Variants in MAPRE2 observed in about 807,000 individuals in gnomAD.
MAPRE2 encodes microtubule-associated protein RP/EB family member 2.
A neutral mutation model predicts 43.2 loss-of-function variants in MAPRE2; 13 were observed. The ratio of observed to expected loss-of-function variants is 0.30; its 90% CI spans 0.20 to 0.48. The LOEUF is 0.48. MAPRE2 is among the 20% of genes least tolerant of loss of function. MAPRE2 has a pLI of 0.99. For synonymous variants in MAPRE2, 135 were observed against 148.8 expected (o/e 0.91, Z 0.68); for missense variants, 161 against 400.2 (o/e 0.40, Z 5.10).
chr18:35,119,501 A>G (rs1909574458), intron 4 of MAPRE2, among the ~76,000 whole-genome samples: 1 of 152,168 alleles, frequency 6.6e-6, no homozygotes, highest in Admixed American at 6.5e-5. Flanking sequence ...TGTGCGTTTC[A>G]TTCATTGTTT....
At chr18:35,122,518 C>A (rs1909725697) in intron 4 of MAPRE2, among the ~76,000 whole-genome samples, 1 of 152,176 alleles carries the variant, frequency 6.6e-6, no homozygotes, top group Non-Finnish European at 1.5e-5. Flanking sequence ...ATTTCAAGAT[C>A]CCTCTCATTT....
Position 35,142,002 on chromosome 18 carries a change from T to A in MAPRE2, c.*1633T>A, listed in dbSNP as rs563896174. 12 of 152,402 alleles carry A rather than the reference T, an allele frequency of 7.9e-5. No individual in the cohort carries two copies. The highest frequency in any genetic ancestry group is 5.2e-4 in the Admixed American group (8 of 15,308). The allele number at this position is 152,402 out of a possible 1,614,324, so 9.4% of individuals were successfully genotyped here. ...AGTTATGTGGAAAAGATGGCTTGTA[T>A]TTTTCAGATTATTACAACACACTGT... is the stretch of plus-strand genomic sequence containing the variant. On this transcript the variant is annotated 3_prime_UTR_variant, in exon 7 of 7. Transcript: ENST00000300249.
chr18:35,096,162 T>G (rs1195205169), intron 2 of MAPRE2, among the ~76,000 whole-genome samples: 1 of 152,004 alleles, frequency 6.6e-6, no homozygotes, highest in Non-Finnish European at 1.5e-5. Context: ...CTTCCTAAAG[T>G]GAGTCACCCA....
chr18:34,985,524 A>AATATATAATATATATATATTATAT (rs1568962009), intron 1 of MAPRE2, among the ~76,000 whole-genome samples: 571 of 50,736 alleles, frequency 0.011, 56 homozygotes, highest in African/African-American at 0.047. Flanking sequence ...TATATTATAT[A>AATATATAATATATATATATTATAT]TTATAAATAT....
At chr18:35,078,367 G>A (rs566639370) in intron 2 of MAPRE2, among the ~76,000 whole-genome samples, 155 of 152,082 alleles carry the variant, frequency 1.0e-3, no homozygotes, top group African/African-American at 3.4e-3. Flanking sequence ...TATCTTAACC[G>A]GTTACATACT....
At chr18:35,108,907 C>T (rs1247272558) in intron 4 of MAPRE2, among the ~76,000 whole-genome samples, 1 of 152,084 alleles carries the variant, frequency 6.6e-6, no homozygotes, top group Non-Finnish European at 1.5e-5. Flanking sequence ...CAAAAATGTT[C>T]TCCCATTCTG....
rs138728814 is a variant in MAPRE2, at chr18:35,079,747, A to G, written c.250+9425A>G. 2.1e-3 allele frequency among the ~76,000 whole-genome samples: 314 copies of G among 152,374 alleles called. 3 individuals are homozygous for G. Among genetic ancestry groups the G allele is most frequent in the Admixed American group, 4.8e-3 (74 of 15,308 alleles). The stretch of plus-strand genomic sequence containing the variant: ...TCCCTGTTAGATTTCTGTATCCAGT[A>G]TAGTGAAACAATTTTGTGTTGGAAA... On this transcript the variant is annotated intron_variant, in intron 2 of 6. Coordinates refer to ENST00000300249, the MANE Select transcript of MAPRE2 (RefSeq NM_014268.4).
intron 1 of MAPRE2, among the ~76,000 whole-genome samples, chr18:35,055,705 C>A (rs1906194165): frequency 6.6e-6 from 1 of 152,272 alleles, no homozygotes; most frequent in Non-Finnish European, 1.5e-5. Context: ...GTAATCCTAG[C>A]CCTTTGGGAG....
intron 1 of MAPRE2, among the ~76,000 whole-genome samples, chr18:35,048,183 A>G (rs1161384001): frequency 1.3e-5 from 2 of 152,108 alleles, no homozygotes; most frequent in African/African-American, 4.8e-5. Flanking sequence ...AGCAGAAGCA[A>G]GAGAGAGGGA....
chr18:34,987,291 C>A (rs763400652), intron 1 of MAPRE2, among the ~76,000 whole-genome samples: 2 of 152,146 alleles, frequency 1.3e-5, no homozygotes, highest in African/African-American at 4.8e-5. Context: ...CAAGTGATTG[C>A]AATGATGCCT....
chr18:35,131,929 TTCTC>T (rs112001878), intron 5 of MAPRE2, 99 bp from the exon 6 acceptor site: 87 of 1,094,064 alleles, frequency 8.0e-5, no homozygotes, highest in Middle Eastern at 2.2e-4. Context: ...TTATTTCTGC[TTCTC>T]TCTCTCTCTC....
chr18:35,065,176 C>T (rs903341911), intron 1 of MAPRE2, among the ~76,000 whole-genome samples: 1 of 151,802 alleles, frequency 6.6e-6, no homozygotes, highest in Non-Finnish European at 1.5e-5. Flanking sequence ...CATGTGCCTG[C>T]AATCCCAGCT....
intron 1 of MAPRE2, among the ~76,000 whole-genome samples, chr18:34,990,574 T>TC (rs1421222422): frequency 6.6e-6 from 1 of 152,188 alleles, no homozygotes; most frequent in African/African-American, 2.4e-5. Flanking sequence ...GTGACTTTTT[T>TC]CTCCAATCCT....
intron 1 of MAPRE2, among the ~76,000 whole-genome samples, chr18:35,069,636 T>G (rs987034556): frequency 6.6e-6 from 1 of 152,164 alleles, no homozygotes; most frequent in African/African-American, 2.4e-5. Flanking sequence ...AAATAGAAGT[T>G]AATACATAGC....
intron 3 of MAPRE2, among the ~76,000 whole-genome samples, chr18:35,099,885 C>A (rs746049542): frequency 6.6e-6 from 1 of 152,128 alleles, no homozygotes; most frequent in African/African-American, 2.4e-5. Flanking sequence ...TAGTTTAATG[C>A]GTGCTTCAGT....
chr18:35,015,567 T>C (rs1474776917), intron 2 of MAPRE2, among the ~76,000 whole-genome samples: 1 of 151,752 alleles, frequency 6.6e-6, no homozygotes, highest in African/African-American at 2.4e-5. Flanking sequence ...ACGAATCACG[T>C]TTTATTTTCC....
At position 35,041,605 on chromosome 18, in the gene MAPRE2, T is replaced by C. The variant is rs1905371659; in HGVS notation, c.66T>C (p.Asn22=). Reference sequence around the variant, plus strand: ...ACAACAACGACATCATCCAGGATAATAACGGGACCATCATTCCTTTCCGGA... The same window carrying C: ...ACAACAACGACATCATCCAGGATAACAACGGGACCATCATTCCTTTCCGGA... The part of the protein sequence containing the change: ...GENNNDIIQD[N]NGTIIPFRKH... The change falls in exon 1 of 7, where the codon AAT becomes AAC. Residue 22 remains asparagine (N), a synonymous_variant. Coordinates refer to ENST00000300249, the MANE Select transcript of MAPRE2 (RefSeq NM_014268.4). 3.1e-6 allele frequency: 5 copies of C among 1,614,044 alleles called. No individual in the cohort carries two copies. Among genetic ancestry groups the C allele is most frequent in the African/African-American group, 1.3e-5 (1 of 74,900 alleles).
At chr18:35,042,826 A>G (rs1311052859) in intron 1 of MAPRE2, among the ~76,000 whole-genome samples, 3 of 152,276 alleles carry the variant, frequency 2.0e-5, no homozygotes, top group East Asian at 1.9e-4. Flanking sequence ...TATTATGGGT[A>G]GAATATTGTG....
chr18:35,072,065 A>G (rs1362460287), intron 2 of MAPRE2, among the ~76,000 whole-genome samples: 1 of 152,248 alleles, frequency 6.6e-6, no homozygotes, highest in Admixed American at 6.5e-5. Flanking sequence ...ACTTTCAGAA[A>G]CAACTTGTAT....
Sources: allele counts gnomAD v4.1 joint callset (sites outside exome capture counted in the v4.1 genomes callset), GRCh38; gene constraint gnomAD v4.1.1; transcripts MANE v1.5; gene names NCBI Gene and HGNC (gene_info 2026-07-23, HGNC 2026-07-21).